The following GTF2A1L variants were observed in gnomAD, a reference collection of about 807,000 sequenced individuals.
GTF2A1L encodes the protein general transcription factor IIA subunit 1 like.
A neutral mutation model predicts 49.7 loss-of-function variants in GTF2A1L; 48 were observed. The observed-to-expected ratio is 0.97, with a 90% CI of 0.77 to 1.23. The LOEUF (loss-of-function observed/expected upper bound fraction) is 1.23. Among genes scored for constraint, GTF2A1L ranks in the 50% most tolerant of loss-of-function variants. The pLI, the probability that GTF2A1L is intolerant of heterozygous loss-of-function variation, is 0.00. For missense variants in GTF2A1L, 736 were observed against 564.8 expected (o/e 1.30, Z -3.07); for synonymous variants, 246 against 193.5 (o/e 1.27, Z -2.25).
intron 8 of GTF2A1L, among the ~76,000 whole-genome samples, chr2:48,673,424 G>A (rs535936987): frequency 2.1e-5 from 3 of 145,540 alleles, no homozygotes; most frequent in Admixed American, 7.0e-5. Flanking sequence ...GTGTAGTGGC[G>A]TGATCTTGGC....
At chr2:48,671,804 C>A in intron 8 of GTF2A1L, 124 bp downstream of exon 8, 2 of 917,082 alleles carry the variant, frequency 2.2e-6, no homozygotes, top group South Asian at 4.3e-5. Context: ...CAGTTTAATT[C>A]TGGAAATTCT....
chr2:48,669,836 A>G lies in GTF2A1L; in HGVS notation c.1093A>G (p.Arg365Gly). The G allele has an allele frequency of 1.9e-6, 3 of 1,614,044 alleles. No individual in the cohort carries two copies. Among genetic ancestry groups the G allele is most frequent in the Non-Finnish European group, 1.7e-6 (2 of 1,179,982 alleles). ...TTCCAATGAAGAAATAGGAAGTACA[A>G]GAGATGCAGATGAGAATGAATTTCT... ...TSSNEEIGST[R>G]DADENEFLGN... Residue 365 changes from arginine to glycine, a missense_variant, in exon 7 of 9, where the codon AGA becomes GGA. Physicochemically the swap from Arg to Gly is moderately radical, Grantham distance 125 (BLOSUM62 -2). Transcript: ENST00000403751.
rs751518579 is a variant in GTF2A1L, at chr2:48,679,324, T to C, written c.1330-11T>C. ...AAAATTAATTAATGTAAACTACTTTTCTCCCTCCAGATTCATCGAAGCAAG... is the reference window on the plus strand; with the variant it reads ...AAAATTAATTAATGTAAACTACTTTCCTCCCTCCAGATTCATCGAAGCAAG... On this transcript the variant is annotated splice_polypyrimidine_tract_variant and intron_variant, in intron 8 of 8. Transcript: ENST00000403751. The C allele has an allele frequency of 2.5e-6, 4 of 1,603,624 alleles. No individual in the cohort carries two copies. Among genetic ancestry groups the C allele is most frequent in the Non-Finnish European group, 2.5e-6 (3 of 1,177,058 alleles).
chr2:48,673,228 A>G (rs1196587193), intron 8 of GTF2A1L, among the ~76,000 whole-genome samples: 3 of 152,124 alleles, frequency 2.0e-5, no homozygotes, highest in Admixed American at 2.0e-4. Flanking sequence ...TTTCCACTGT[A>G]GGGGAGAAAA....
intron 1 of GTF2A1L, among the ~76,000 whole-genome samples, chr2:48,620,550 C>G (rs190299397): frequency 1.4e-3 from 219 of 152,206 alleles, no homozygotes; most frequent in Non-Finnish European, 1.8e-3. Context: ...GAGGCTGAGG[C>G]GGGTGGATCA....
intron 3 of GTF2A1L, among the ~76,000 whole-genome samples, chr2:48,631,234 G>T (rs1378519589): frequency 1.3e-5 from 2 of 152,186 alleles, no homozygotes; most frequent in African/African-American, 2.4e-5. Context: ...GTAGAATTCA[G>T]CTGTGAGTCT....
At chr2:48,676,572 T>G (rs1679479451) in intron 8 of GTF2A1L, among the ~76,000 whole-genome samples, 1 of 151,896 alleles carries the variant, frequency 6.6e-6, no homozygotes, top group Non-Finnish European at 1.5e-5. Context: ...TTTGGTCTTA[T>G]ATTTAGTGAT....
At chr2:48,631,918 A>G (rs891372846) in intron 3 of GTF2A1L, among the ~76,000 whole-genome samples, 3 of 152,208 alleles carry the variant, frequency 2.0e-5, no homozygotes, top group Admixed American at 2.0e-4. Context: ...TTGTTTACCC[A>G]AAAGTCATTC....
chr2:48,679,520 A>T lies in GTF2A1L; in HGVS notation c.*78A>T. On this transcript the variant is annotated 3_prime_UTR_variant, in exon 9 of 9. Coordinates refer to ENST00000403751, the MANE Select transcript of GTF2A1L (RefSeq NM_006872.5). ...ATATTGTGAATTCATTTTTATTTTG[A>T]ATATAGTCCAGCACAGAGCTGTTCA... 1 of 1,584,454 alleles carries T rather than the reference A, an allele frequency of 6.3e-7. No individual in the cohort carries two copies. The highest frequency in any genetic ancestry group is 8.6e-7 in the Non-Finnish European group (1 of 1,168,914).
intron 3 of GTF2A1L, among the ~76,000 whole-genome samples, chr2:48,635,490 A>G (rs1166005651): frequency 6.6e-6 from 1 of 152,066 alleles, no homozygotes; most frequent in Non-Finnish European, 1.5e-5. Flanking sequence ...GGGGAACAGC[A>G]GGGGCACCAA....
intron 8 of GTF2A1L, among the ~76,000 whole-genome samples, chr2:48,678,675 A>T (rs1349075146): frequency 1.3e-5 from 2 of 152,252 alleles, no homozygotes; most frequent in Non-Finnish European, 2.9e-5. Context: ...TCTAGAAAAC[A>T]GCCAGCAGAG....
rs1014614667 is a variant in GTF2A1L at position 48,625,422 on chromosome 2, A to T, written c.247+4132A>T. Among the ~76,000 whole-genome samples the T allele has an allele frequency of 3.5e-5, 5 of 143,804 alleles. 1 individual carries two copies. The highest frequency in any genetic ancestry group is 1.2e-4 in the African/African-American group (5 of 40,464). The allele number at this position is 143,804 out of a possible 152,430, so 94.3% of individuals were successfully genotyped here. On this transcript the variant is annotated intron_variant, in intron 3 of 8. Transcript: ENST00000403751. Reference sequence around the variant, plus strand: ...TGAAAAGGTTATTTGTTTTTCTGTTATTGAGTTGTGTAAATCTTTTAATAT... The same window carrying T: ...TGAAAAGGTTATTTGTTTTTCTGTTTTTGAGTTGTGTAAATCTTTTAATAT...
intron 6 of GTF2A1L, among the ~76,000 whole-genome samples, chr2:48,653,509 G>T (rs776964040): frequency 6.6e-6 from 1 of 152,150 alleles, no homozygotes; most frequent in African/African-American, 2.4e-5. Context: ...ACACTATCAT[G>T]CAGCATGCAT....
chr2:48,662,331 G>GTAT (rs1224096633), intron 6 of GTF2A1L, among the ~76,000 whole-genome samples: 6 of 152,122 alleles, frequency 3.9e-5, no homozygotes, highest in Non-Finnish European at 4.4e-5. Flanking sequence ...ATTTGTCCAT[G>GTAT]TATTTAACTT....
At chr2:48,640,136 T>C (rs1046385172) in intron 3 of GTF2A1L, among the ~76,000 whole-genome samples, 1 of 152,194 alleles carries the variant, frequency 6.6e-6, no homozygotes, top group African/African-American at 2.4e-5. Flanking sequence ...TAAAACAGTA[T>C]GGCAATTCCT....
At chr2:48,671,760 A>G (rs981484631) in intron 8 of GTF2A1L, 80 bp downstream of exon 8, 35 of 1,326,574 alleles carry the variant, frequency 2.6e-5, no homozygotes, top group Non-Finnish European at 2.9e-5. Flanking sequence ...GGGAAATAAG[A>G]TGAAGAGTTA....
chr2:48,673,515 A>G (rs1435056699), intron 8 of GTF2A1L, among the ~76,000 whole-genome samples: 1 of 151,902 alleles, frequency 6.6e-6, no homozygotes, highest in Non-Finnish European at 1.5e-5. Flanking sequence ...GGCGCCTGCC[A>G]CCACGCCCGG....
At chr2:48,671,725 A>T in intron 8 of GTF2A1L, 45 bp downstream of exon 8, 1 of 1,534,456 alleles carries the variant, frequency 6.5e-7, no homozygotes, top group Non-Finnish European at 8.9e-7. Flanking sequence ...AACTGCATTT[A>T]TAGTAGAAAG....
chr2:48,632,800 C>T, intron 3 of GTF2A1L: 1 of 193,490 alleles, frequency 5.2e-6, no homozygotes, highest in Non-Finnish European at 1.0e-5. Flanking sequence ...GGGTGATAGG[C>T]AGCAAGCAGT....
Sources: gnomAD v4.1 joint callset for allele counts (sites outside exome capture counted in the v4.1 genomes callset) on GRCh38, gnomAD v4.1.1 for gene constraint, MANE v1.5 for transcripts, NCBI Gene and HGNC (gene_info 2026-07-23, HGNC 2026-07-21) for gene names.